ACYP2: variants seen among roughly 807,000 people sequenced by gnomAD.
ACYP2 encodes acylphosphatase-2.
A neutral mutation model predicts 11.2 loss-of-function variants in ACYP2; 12 were observed. That is an observed-to-expected ratio of 1.08 (90% confidence interval 0.69 to 1.74). The LOEUF is 1.74. ACYP2 is among the 40% of genes most tolerant of loss of function. The pLI is 0.00. For missense variants in ACYP2, 134 were observed against 101.9 expected (o/e 1.31, Z -1.35); for synonymous variants, 43 against 32.2 (o/e 1.33, Z -1.13).
Position 54,022,303 on chromosome 2 carries a change from T to A in ACYP2, c.63-28655T>A, listed in dbSNP as rs1674049477. Among the ~76,000 whole-genome samples, 3 of 152,270 alleles carry A rather than the reference T, an allele frequency of 2.0e-5. No homozygotes were observed. The South Asian group carries it at 6.2e-4, about 32-fold the overall frequency. On this transcript the variant is annotated intron_variant, in intron 2 of 6. Transcript: ENST00000607452. ...CGCTACCCCAAAATATGGTGACCTG[T>A]TGTATTTAATATTTTGGGCTTTTAT...
At chr2:54,231,217 G>C (rs1457381627) in intron 6 of ACYP2, among the ~76,000 whole-genome samples, 1 of 152,118 alleles carries the variant, frequency 6.6e-6, no homozygotes, top group African/African-American at 2.4e-5. Flanking sequence ...TGACCACCTT[G>C]GGCACACGTT....
intron 4 of ACYP2, among the ~76,000 whole-genome samples, chr2:54,128,581 T>C (rs1318663025): frequency 6.6e-6 from 1 of 152,112 alleles, no homozygotes; most frequent in African/African-American, 2.4e-5. Context: ...GTGAGAGAAT[T>C]GGTTAAGGCC....
chr2:54,217,524 C>A (rs1213646646), intron 6 of ACYP2, among the ~76,000 whole-genome samples: 2 of 151,310 alleles, frequency 1.3e-5, no homozygotes, highest in East Asian at 3.9e-4. Context: ...ACACCACTGT[C>A]CCTGGCTATT....
chr2:54,256,317 G>A (rs971846533), intron 6 of ACYP2: 23 of 688,030 alleles, frequency 3.3e-5, no homozygotes, highest in Non-Finnish European at 4.4e-5. Context: ...CCTCAGTCTC[G>A]CGAGTCTGTG....
At chr2:54,117,459 T>A (rs541224808) in intron 4 of ACYP2, among the ~76,000 whole-genome samples, 20 of 152,002 alleles carry the variant, frequency 1.3e-4, no homozygotes, top group African/African-American at 4.6e-4. Context: ...CATGCATGAC[T>A]AATTTTTAAA....
intron 2 of ACYP2, among the ~76,000 whole-genome samples, chr2:54,037,656 C>A (rs1026259652): frequency 6.6e-6 from 1 of 152,046 alleles, no homozygotes; most frequent in Non-Finnish European, 1.5e-5. Flanking sequence ...GATCCTCCCC[C>A]CTCACCCTCC....
intron 6 of ACYP2, among the ~76,000 whole-genome samples, chr2:54,186,069 G>A (rs562807638): frequency 2.6e-4 from 39 of 152,170 alleles, no homozygotes; most frequent in Middle Eastern, 3.4e-3. Context: ...AAATGCATGC[G>A]AAATGTTTAA....
chr2:54,171,570 C>G (rs1177089373), intron 6 of ACYP2, among the ~76,000 whole-genome samples: 1 of 152,168 alleles, frequency 6.6e-6, no homozygotes, highest in Non-Finnish European at 1.5e-5. Context: ...GAGAGCAACT[C>G]TGTTGTTTTC....
intron 2 of ACYP2, among the ~76,000 whole-genome samples, chr2:54,004,699 C>T (rs770291789): frequency 4.6e-5 from 7 of 151,834 alleles, no homozygotes; most frequent in South Asian, 2.1e-4. Context: ...TGTGAGCCAC[C>T]GCGCTCAGCC....
intron 2 of ACYP2, among the ~76,000 whole-genome samples, chr2:54,038,880 G>A (rs1675063083): frequency 6.6e-6 from 1 of 151,176 alleles, no homozygotes; most frequent in African/African-American, 2.4e-5. Context: ...AAAAAGTAAA[G>A]CCAGTAAGTG....
chr2:54,023,466 G>C (rs1674110063), intron 2 of ACYP2, among the ~76,000 whole-genome samples: 1 of 152,046 alleles, frequency 6.6e-6, no homozygotes, highest in Admixed American at 6.6e-5. Flanking sequence ...TTATCATTTT[G>C]TTTTCCTGTA....
intron 4 of ACYP2, among the ~76,000 whole-genome samples, chr2:54,093,057 G>T (rs1248135134): frequency 6.6e-6 from 1 of 152,146 alleles, no homozygotes; most frequent in Non-Finnish European, 1.5e-5. Flanking sequence ...TGCACAGCAG[G>T]TAAACTCCTC....
At chr2:54,279,213 G>A (rs982846637) in intron 6 of ACYP2, among the ~76,000 whole-genome samples, 4 of 152,136 alleles carry the variant, frequency 2.6e-5, no homozygotes, top group Admixed American at 6.5e-5. Context: ...GCTTGCAAAC[G>A]ATAGCCAGTG....
rs533954225 is a variant in ACYP2 at position 54,058,457 on chromosome 2, CT to C, written c.277+1098del. Among the ~76,000 whole-genome samples the C allele has an allele frequency of 5.9e-5, 9 of 152,206 alleles. No individual in the cohort carries two copies. The South Asian group carries it at 1.7e-3, about 28-fold the overall frequency. The stretch of plus-strand genomic sequence containing the variant: ...AATTTTAGATATTATCTATTAACCC[CT>C]GACACACACATATTTCCCTCTCCTG... On this transcript the variant is annotated intron_variant, in intron 4 of 6. Transcript: ENST00000607452.
intron 6 of ACYP2, among the ~76,000 whole-genome samples, chr2:54,245,445 G>T (rs1358627306): frequency 1.3e-5 from 2 of 152,082 alleles, no homozygotes; most frequent in African/African-American, 4.8e-5. Context: ...GCAGTTTTTT[G>T]AGGAATATTG....
chr2:54,047,062 A>G (rs955550306), intron 2 of ACYP2, among the ~76,000 whole-genome samples: 1 of 152,238 alleles, frequency 6.6e-6, no homozygotes, highest in Non-Finnish European at 1.5e-5. Context: ...ATCAGTGACA[A>G]AGATTTAGAT....
At chr2:54,045,758 G>A (rs1481604299) in intron 2 of ACYP2, among the ~76,000 whole-genome samples, 1 of 152,064 alleles carries the variant, frequency 6.6e-6, no homozygotes, top group Non-Finnish European at 1.5e-5. Context: ...GGAGCTTGCA[G>A]TGAGCCAAAA....
At chr2:54,200,631 C>T (rs1271322359) in intron 6 of ACYP2, among the ~76,000 whole-genome samples, 1 of 152,128 alleles carries the variant, frequency 6.6e-6, no homozygotes, top group Non-Finnish European at 1.5e-5. Context: ...ATGAATATGC[C>T]ACATTTTGTT....
At chr2:54,214,860 T>C (rs1241824635) in intron 6 of ACYP2, among the ~76,000 whole-genome samples, 1 of 152,232 alleles carries the variant, frequency 6.6e-6, no homozygotes, top group Non-Finnish European at 1.5e-5. Flanking sequence ...ATCTTAACAA[T>C]ATTGATTCTT....
Sources: gnomAD v4.1 joint callset for allele counts (sites outside exome capture counted in the v4.1 genomes callset) on GRCh38, gnomAD v4.1.1 for gene constraint, MANE v1.5 for transcripts, NCBI Gene and HGNC (gene_info 2026-07-23, HGNC 2026-07-21) for gene names.